The following NEK11 variants were observed in gnomAD, a reference collection of about 807,000 sequenced individuals.
NEK11 encodes serine/threonine-protein kinase Nek11.
NEK11 carries 72 observed loss-of-function variants against 80.7 expected under a neutral mutation model. That is an observed-to-expected ratio of 0.89 (90% CI 0.74 to 1.08). The LOEUF (loss-of-function observed/expected upper bound fraction) is 1.08. Among genes scored for constraint, NEK11 ranks in the 50% least tolerant of loss-of-function variants. The probability of loss-of-function intolerance (pLI) is 0.00; values close to 1 mark genes in which losing one functional copy is unlikely to be tolerated. For missense variants in NEK11, 764 were observed against 763.6 expected (o/e 1.00, Z -0.01); for synonymous variants, 251 against 260.7 (o/e 0.96, Z 0.36).
intron 9 of NEK11, among the ~76,000 whole-genome samples, chr3:131,154,223 A>C (rs1000262668): frequency 6.6e-6 from 1 of 152,016 alleles, no homozygotes; most frequent in Non-Finnish European, 1.5e-5. Flanking sequence ...CTCTGGAAAG[A>C]GCCTCATATG....
chr3:131,347,957 A>C (rs947674692), intron 17 of NEK11, among the ~76,000 whole-genome samples: 22 of 152,084 alleles, frequency 1.4e-4, no homozygotes, highest in African/African-American at 5.1e-4. Flanking sequence ...TCTTTTTACC[A>C]AATCCATTGA....
chr3:131,155,542 G>A (rs966269419), intron 10 of NEK11, among the ~76,000 whole-genome samples: 4 of 152,130 alleles, frequency 2.6e-5, no homozygotes, highest in Non-Finnish European at 4.4e-5. Context: ...AAAATAAGCC[G>A]AAATTCACTT....
At chr3:131,272,140 T>C (rs1041617755) in intron 16 of NEK11, among the ~76,000 whole-genome samples, 5 of 152,050 alleles carry the variant, frequency 3.3e-5, no homozygotes, top group African/African-American at 9.7e-5. Flanking sequence ...ATATGTAAAA[T>C]GGGGACTCCA....
chr3:131,104,959 G>A lies in NEK11; in HGVS notation c.337-4844G>A, dbSNP rs74381072. Reference sequence around the variant, plus strand: ...TCTGGCTCTGCACCAATCCTGGGTGGGCAGCTGTCCTACCTTGCTCTTCTT... The same window carrying A: ...TCTGGCTCTGCACCAATCCTGGGTGAGCAGCTGTCCTACCTTGCTCTTCTT... On this transcript the variant is annotated intron_variant, in intron 4 of 17. Transcript: ENST00000383366. 7.8e-3 allele frequency among the ~76,000 whole-genome samples: 1,187 copies of A among 152,310 alleles called. 21 individuals are homozygous for A. Among genetic ancestry groups the A allele is most frequent in the African/African-American group, 0.027 (1,120 of 41,558 alleles).
chr3:131,141,214 A>T (rs966645822), intron 7 of NEK11, among the ~76,000 whole-genome samples: 2 of 152,280 alleles, frequency 1.3e-5, no homozygotes, highest in East Asian at 3.9e-4. Flanking sequence ...CAAAGGAATG[A>T]TAAACATATA....
At position 131,296,815 on chromosome 3, in the gene NEK11, C is replaced by T. The variant is rs1055069919; in HGVS notation, c.1718+23241C>T. Reference sequence around the variant, plus strand: ...TCCTAATGCTATCCCTCCCCACTCCCCCCACCCCACAACAGTCCCCAGAGT... The same window carrying T: ...TCCTAATGCTATCCCTCCCCACTCCTCCCACCCCACAACAGTCCCCAGAGT... On this transcript the variant is annotated intron_variant, in intron 17 of 17. Coordinates refer to ENST00000383366, the MANE Select transcript of NEK11 (RefSeq NM_024800.5). 2.6e-5 allele frequency among the ~76,000 whole-genome samples: 4 copies of T among 151,998 alleles called. No homozygotes were observed. The South Asian group carries it at 6.2e-4, about 24-fold the overall frequency.
intron 17 of NEK11, among the ~76,000 whole-genome samples, chr3:131,309,162 C>G (rs2096752509): frequency 6.6e-6 from 1 of 152,186 alleles, no homozygotes; most frequent in Non-Finnish European, 1.5e-5. Flanking sequence ...CTTGGTGTTA[C>G]TTAATCCCCC....
At chr3:131,307,836 T>C (rs2109335169) in intron 17 of NEK11, among the ~76,000 whole-genome samples, 1 of 152,320 alleles carries the variant, frequency 6.6e-6, no homozygotes, top group East Asian at 1.9e-4. Flanking sequence ...GCGGTTTCTT[T>C]GGTGACAAAA....
intron 3 of NEK11, among the ~76,000 whole-genome samples, chr3:131,059,252 G>C (rs545433949): frequency 3.3e-5 from 5 of 152,220 alleles, no homozygotes; most frequent in African/African-American, 1.2e-4. Flanking sequence ...ATTGTATATG[G>C]TAATAGTAGC....
intron 17 of NEK11, among the ~76,000 whole-genome samples, chr3:131,314,456 A>G (rs2109506781): frequency 6.6e-6 from 1 of 152,358 alleles, no homozygotes; most frequent in South Asian, 2.1e-4. Context: ...GTCATTCACC[A>G]TGACATTCAC....
At chr3:131,269,201 G>C (rs971998389) in intron 16 of NEK11, among the ~76,000 whole-genome samples, 2 of 152,182 alleles carry the variant, frequency 1.3e-5, no homozygotes, top group African/African-American at 4.8e-5. Flanking sequence ...TAGCTTTCTG[G>C]GCTCTGTGGG....
chr3:131,180,513 A>G (rs1207950297), intron 14 of NEK11, among the ~76,000 whole-genome samples: 3 of 152,204 alleles, frequency 2.0e-5, no homozygotes, highest in Non-Finnish European at 4.4e-5. Context: ...CAAAAACAAT[A>G]TTTTATTTAG....
chr3:131,141,102 C>CAGTG (rs985744273), intron 7 of NEK11, among the ~76,000 whole-genome samples: 20 of 152,178 alleles, frequency 1.3e-4, no homozygotes, highest in Non-Finnish European at 2.5e-4. Flanking sequence ...CTCAGAAAGG[C>CAGTG]AGTGTACCAG....
chr3:131,220,326 AAAT>A (rs1442499980), intron 14 of NEK11, among the ~76,000 whole-genome samples: 1 of 152,026 alleles, frequency 6.6e-6, no homozygotes, highest in Non-Finnish European at 1.5e-5. Flanking sequence ...ACATATGAGA[AAAT>A]AATATTTTTA....
intron 17 of NEK11, among the ~76,000 whole-genome samples, chr3:131,301,922 T>C (rs1212208673): frequency 6.6e-6 from 1 of 152,144 alleles, no homozygotes; most frequent in Non-Finnish European, 1.5e-5. Context: ...ATAGTTTCCA[T>C]AGGAATGGTA....
chr3:131,244,000 A>G lies in NEK11; in HGVS notation c.1621+504A>G, dbSNP rs145827261. Reference sequence around the variant, plus strand: ...AAAGCCCTATTTCTTAGTTTCTTCTATTTTTTTTTTAATCTGAGAAGCCTA... The same window carrying G: ...AAAGCCCTATTTCTTAGTTTCTTCTGTTTTTTTTTTAATCTGAGAAGCCTA... On this transcript the variant is annotated intron_variant, in intron 16 of 17. Coordinates refer to ENST00000383366, the MANE Select transcript of NEK11 (RefSeq NM_024800.5). Among the ~76,000 whole-genome samples, 1,166 of 149,230 alleles carry G rather than the reference A, an allele frequency of 7.8e-3. 17 individuals carry two copies. The highest frequency in any genetic ancestry group is 0.027 in the African/African-American group (1,103 of 40,856).
chr3:131,166,042 C>T (rs549848992), intron 12 of NEK11, among the ~76,000 whole-genome samples: 3 of 152,260 alleles, frequency 2.0e-5, no homozygotes, highest in East Asian at 1.9e-4. Flanking sequence ...TTCATGTCCT[C>T]GGCATTCCAA....
chr3:131,241,338 A>G (rs2095516108), intron 15 of NEK11, among the ~76,000 whole-genome samples: 2 of 152,198 alleles, frequency 1.3e-5, no homozygotes, highest in South Asian at 2.1e-4. Flanking sequence ...TCTTTAAAAC[A>G]AAATAAAATG....
At chr3:131,042,811 G>A (rs1277459282) in intron 3 of NEK11, among the ~76,000 whole-genome samples, 1 of 152,178 alleles carries the variant, frequency 6.6e-6, no homozygotes, top group East Asian at 1.9e-4. Context: ...CGTGCCTCCT[G>A]ATGGGGAGAC....
Sources: allele counts gnomAD v4.1 joint callset (sites outside exome capture counted in the v4.1 genomes callset), GRCh38; gene constraint gnomAD v4.1.1; transcripts MANE v1.5; gene names NCBI Gene and HGNC (gene_info 2026-07-23, HGNC 2026-07-21).